DISP1: variants seen among roughly 807,000 people sequenced by gnomAD.
DISP1 encodes dispatched RND transporter family member 1.
In DISP1, 30 loss-of-function variants were observed where a neutral mutation model predicts 37.3. The observed-to-expected ratio is 0.80, with a 90% CI of 0.60 to 1.09. DISP1 has a LOEUF of 1.09. Ranked by LOEUF, DISP1 falls within the 50% of genes least tolerant of loss-of-function variation. DISP1 has a pLI of 0.00. For synonymous variants in DISP1, 634 were observed against 690.2 expected, an observed-to-expected ratio of 0.92 and a Z score of 1.28; for missense variants, 1,598 against 1,879.5, an observed-to-expected ratio of 0.85 and a Z score of 2.77.
At chr1:222,966,081 A>T (rs1676457353) in intron 3 of DISP1, among the ~76,000 whole-genome samples, 1 of 152,154 alleles carries the variant, frequency 6.6e-6, no homozygotes, top group African/African-American at 2.4e-5. Flanking sequence ...CTGTCAAACC[A>T]AAGTATCAGA....
At chr1:222,827,842 T>C (rs1398209734) in intron 1 of DISP1, among the ~76,000 whole-genome samples, 1 of 152,156 alleles carries the variant, frequency 6.6e-6, no homozygotes, top group East Asian at 1.9e-4. Flanking sequence ...TATAATTTGA[T>C]TTAGAAGCTT....
intron 1 of DISP1, among the ~76,000 whole-genome samples, chr1:222,907,018 A>G (rs1671938756): frequency 6.6e-6 from 1 of 152,228 alleles, no homozygotes; most frequent in African/African-American, 2.4e-5. Context: ...GGTGACTAAC[A>G]CATAGCAAGT....
intron 1 of DISP1, among the ~76,000 whole-genome samples, chr1:222,907,009 G>A (rs1217060133): frequency 6.6e-6 from 1 of 152,168 alleles, no homozygotes; most frequent in Non-Finnish European, 1.5e-5. Context: ...ACTTAGCATG[G>A]TGACTAACAC....
At chr1:222,932,324 AT>A (rs1337240677) in intron 2 of DISP1, among the ~76,000 whole-genome samples, 3 of 151,984 alleles carry the variant, frequency 2.0e-5, no homozygotes, top group South Asian at 2.1e-4. Flanking sequence ...TTTTATCATA[AT>A]TTTTTTAGTA....
At position 223,001,153 on chromosome 1, in the gene DISP1, TAAC is replaced by T. The variant is rs892787756; in HGVS notation, c.988-1229_988-1227del. On this transcript the variant is annotated intron_variant, in intron 8 of 8. Coordinates refer to ENST00000675850, the MANE Select transcript of DISP1 (RefSeq NM_001377229.1). ...GATGGAACAATTTTTCAATTTTTTA[TAAC>T]AATAGCCATAAGATGGAAAGCCTTC... 7.1e-4 allele frequency among the ~76,000 whole-genome samples: 108 copies of T among 152,304 alleles called. 1 individual carries two copies. Among genetic ancestry groups the T allele is most frequent in the African/African-American group, 2.5e-3 (103 of 41,576 alleles).
At chr1:222,959,219 C>A (rs533814721) in intron 3 of DISP1, among the ~76,000 whole-genome samples, 6 of 152,050 alleles carry the variant, frequency 3.9e-5, no homozygotes, top group Non-Finnish European at 7.4e-5. Flanking sequence ...AGTAAGTGGA[C>A]TTTAATGGCA....
chr1:222,928,968 A>C (rs2125453765), intron 2 of DISP1, among the ~76,000 whole-genome samples: 1 of 152,344 alleles, frequency 6.6e-6, no homozygotes, highest in African/African-American at 2.4e-5. Context: ...ATAGAAAAAT[A>C]AATGTAGAGT....
intron 3 of DISP1, among the ~76,000 whole-genome samples, chr1:222,973,934 G>A (rs1270810628): frequency 1.3e-5 from 2 of 152,134 alleles, no homozygotes; most frequent in African/African-American, 2.4e-5. Flanking sequence ...GTTTCATAAA[G>A]GTGTTAAGTG....
At chr1:222,899,607 C>G (rs2125402375) in intron 1 of DISP1, among the ~76,000 whole-genome samples, 1 of 152,022 alleles carries the variant, frequency 6.6e-6, no homozygotes, top group African/African-American at 2.4e-5. Context: ...GAGATGATAT[C>G]TTGTGCTGTT....
Position 223,004,601 on chromosome 1 carries a change from A to G in DISP1, c.3204A>G (p.Arg1068=). ...VAYRLAPDPD[R]EGKVIFSLSR... ...ACCGCTTGGCTCCAGATCCCGACCG[A>G]GAAGGCAAAGTGATCTTCTCTCTGA... The change falls in exon 9 of 9, where the codon CGA becomes CGG. Residue 1068 remains arginine, a synonymous_variant. Coordinates refer to ENST00000675850, the MANE Select transcript of DISP1 (RefSeq NM_001377229.1). The surrounding 1 kb of genome is among the most constrained non-coding windows in gnomAD (Gnocchi z 4.9). 6.2e-7 allele frequency: 1 copy of G among 1,614,048 alleles called. No homozygotes were observed. Among genetic ancestry groups the G allele is most frequent in the Non-Finnish European group, 8.5e-7 (1 of 1,179,972 alleles).
intron 1 of DISP1, among the ~76,000 whole-genome samples, chr1:222,905,924 G>T (rs1671864983): frequency 6.6e-6 from 1 of 152,150 alleles, no homozygotes; most frequent in South Asian, 2.1e-4. Flanking sequence ...ACTATGTATT[G>T]CTATAGTGCA....
chr1:222,821,414 A>T (rs886117290), intron 1 of DISP1, among the ~76,000 whole-genome samples: 1 of 152,242 alleles, frequency 6.6e-6, no homozygotes, highest in African/African-American at 2.4e-5. Flanking sequence ...GAAAGCACTT[A>T]GGAATGTGAT....
At position 222,872,088 on chromosome 1, in the gene DISP1, G is replaced by A. The variant is rs142348488; in HGVS notation, c.-158-56342G>A. ...TGGTTCTGTTTATATGCTGGATTACGTTTATTGATTTTCATGTTGAATCAG... is the reference window on the plus strand; with the variant it reads ...TGGTTCTGTTTATATGCTGGATTACATTTATTGATTTTCATGTTGAATCAG... On this transcript the variant is annotated intron_variant, in intron 1 of 8. Transcript: ENST00000675850. 4.2e-3 allele frequency among the ~76,000 whole-genome samples: 639 copies of A among 152,170 alleles called. 12 individuals are homozygous for A. The highest frequency in any genetic ancestry group is 0.018 in the Admixed American group (275 of 15,256).
chr1:222,979,659 C>T, intron 3 of DISP1: 1 of 471,016 alleles, frequency 2.1e-6, no homozygotes, highest in Non-Finnish European at 4.4e-6. Flanking sequence ...ATGGCTTCTT[C>T]AGATGTGAAC....
intron 1 of DISP1, among the ~76,000 whole-genome samples, chr1:222,879,867 T>C (rs1482594422): frequency 1.3e-5 from 2 of 152,138 alleles, no homozygotes; most frequent in Admixed American, 6.5e-5. Flanking sequence ...TTTAACACTA[T>C]ATTGTTGAAA....
At chr1:222,828,755 C>G (rs993148432) in intron 1 of DISP1, among the ~76,000 whole-genome samples, 5 of 152,144 alleles carry the variant, frequency 3.3e-5, no homozygotes, top group African/African-American at 1.2e-4. Flanking sequence ...TAACTCACCT[C>G]TCTAGACTTG....
chr1:222,970,324 G>C (rs1676839694), intron 3 of DISP1, among the ~76,000 whole-genome samples: 1 of 151,974 alleles, frequency 6.6e-6, no homozygotes. Context: ...AAGCATTTTT[G>C]AGCTCTTTTT....
Position 222,991,996 on chromosome 1 carries a change from T to G in DISP1, c.792-17T>G, listed in dbSNP as rs1558074567. The G allele has an allele frequency of 6.3e-7, 1 of 1,588,932 alleles. No homozygotes were observed. The highest frequency in any genetic ancestry group is 1.1e-5 in the South Asian group (1 of 90,526). On this transcript the variant is annotated splice_polypyrimidine_tract_variant and intron_variant, in intron 6 of 8. Transcript: ENST00000675850. ...AACGAGAACTTTATTGAAGATCAAA[T>G]TGTCGTTCCATTTCAGCCATCGGGA...
At chr1:222,910,456 C>A (rs1013551192) in intron 1 of DISP1, among the ~76,000 whole-genome samples, 1 of 152,108 alleles carries the variant, frequency 6.6e-6, no homozygotes, top group Admixed American at 6.5e-5. Context: ...ATTCACATAA[C>A]CTTTCTAAAA....
Sources: allele counts gnomAD v4.1 joint callset (sites outside exome capture counted in the v4.1 genomes callset), GRCh38; gene constraint gnomAD v4.1.1; non-coding constraint Gnocchi (gnomAD v3.1); transcripts MANE v1.5; gene names NCBI Gene and HGNC (gene_info 2026-07-23, HGNC 2026-07-21).